ZNF385D: variants seen among roughly 807,000 people sequenced by gnomAD.
The protein encoded by ZNF385D is zinc finger protein 385D.
In ZNF385D, 15 loss-of-function variants were observed where a neutral mutation model predicts 35.8. The ratio of observed to expected loss-of-function variants is 0.42; its 90% CI spans 0.28 to 0.64. The LOEUF is 0.64. ZNF385D is among the 30% of genes least tolerant of loss of function. The pLI, the probability that ZNF385D is intolerant of heterozygous loss-of-function variation, is 0.23. For synonymous variants in ZNF385D, 212 were observed against 186.8 expected (o/e 1.13, Z -1.10); for missense variants, 474 against 494.6 (o/e 0.96, Z 0.39).
chr3:21,510,212 C>T (rs1412419935), intron 4 of ZNF385D, among the ~76,000 whole-genome samples: 1 of 152,136 alleles, frequency 6.6e-6, no homozygotes, highest in Non-Finnish European at 1.5e-5. Context: ...TCACTAGCTT[C>T]CCCTATTATG....
chr3:22,342,052 G>A (rs932459519), intron 2 of ZNF385D, among the ~76,000 whole-genome samples: 14 of 152,138 alleles, frequency 9.2e-5, no homozygotes, highest in African/African-American at 3.1e-4. Flanking sequence ...AAGGCAGGCA[G>A]ATCACGAGGT....
chr3:21,985,903 T>G (rs1454918236), intron 3 of ZNF385D, among the ~76,000 whole-genome samples: 1 of 130,782 alleles, frequency 7.6e-6, no homozygotes, highest in Non-Finnish European at 1.6e-5. Context: ...TGGGAGAGTG[T>G]ATGTGTCGAG....
chr3:21,596,146 C>T (rs1422933021), intron 2 of ZNF385D, among the ~76,000 whole-genome samples: 3 of 152,076 alleles, frequency 2.0e-5, no homozygotes, highest in Non-Finnish European at 4.4e-5. Context: ...AAAGATGATA[C>T]AGGAAAGAAA....
intron 3 of ZNF385D, among the ~76,000 whole-genome samples, chr3:22,082,191 T>C (rs1466051072): frequency 6.6e-6 from 1 of 152,022 alleles, no homozygotes; most frequent in African/African-American, 2.4e-5. Flanking sequence ...TTTATCTCAC[T>C]GGGACAGGTT....
chr3:21,654,806 C>G (rs964481291), intron 2 of ZNF385D, among the ~76,000 whole-genome samples: 1 of 152,052 alleles, frequency 6.6e-6, no homozygotes, highest in African/African-American at 2.4e-5. Context: ...TTCCATTAAA[C>G]AGTTCTCAGA....
chr3:22,277,520 T>C (rs1341402118), intron 2 of ZNF385D, among the ~76,000 whole-genome samples: 1 of 152,100 alleles, frequency 6.6e-6, no homozygotes, highest in Non-Finnish European at 1.5e-5. Context: ...CACATGCTGA[T>C]TAATGAATCA....
At chr3:22,089,702 T>G (rs1156439764) in intron 3 of ZNF385D, among the ~76,000 whole-genome samples, 1 of 152,206 alleles carries the variant, frequency 6.6e-6, no homozygotes, top group African/African-American at 2.4e-5. Context: ...CCTTGAACAT[T>G]ATTCTTTGAG....
intron 3 of ZNF385D, among the ~76,000 whole-genome samples, chr3:21,761,023 G>A (rs1373097228): frequency 6.6e-6 from 1 of 152,068 alleles, no homozygotes; most frequent in Non-Finnish European, 1.5e-5. Flanking sequence ...TCTCTCTTTT[G>A]TATCATACAC....
intron 3 of ZNF385D, among the ~76,000 whole-genome samples, chr3:22,089,129 A>G (rs1701191708): frequency 6.6e-6 from 1 of 152,186 alleles, no homozygotes; most frequent in Admixed American, 6.5e-5. Context: ...AATTGGCTAG[A>G]TCCCTATATT....
chr3:21,657,153 T>C (rs1010899729), intron 2 of ZNF385D, among the ~76,000 whole-genome samples: 2 of 151,942 alleles, frequency 1.3e-5, no homozygotes, highest in Admixed American at 6.6e-5. Context: ...TTTGGAAGGA[T>C]AGATACAAAA....
intron 3 of ZNF385D, among the ~76,000 whole-genome samples, chr3:22,077,552 G>C (rs934665690): frequency 4.6e-5 from 7 of 151,846 alleles, no homozygotes; most frequent in Non-Finnish European, 8.8e-5. Flanking sequence ...GCCCACTAAG[G>C]GTGAGGTTCT....
chr3:22,273,908 T>C (rs1701299905), intron 2 of ZNF385D, among the ~76,000 whole-genome samples: 2 of 152,054 alleles, frequency 1.3e-5, no homozygotes, highest in African/African-American at 4.8e-5. Flanking sequence ...GTTTTCCATA[T>C]GTTTTTCCTA....
At chr3:21,772,629 C>T (rs945530872) in intron 3 of ZNF385D, among the ~76,000 whole-genome samples, 2 of 151,810 alleles carry the variant, frequency 1.3e-5, no homozygotes, top group Non-Finnish European at 2.9e-5. Flanking sequence ...ACAGTATAGT[C>T]ATTGTGGAAA....
intron 3 of ZNF385D, among the ~76,000 whole-genome samples, chr3:21,951,793 T>G (rs1342306802): frequency 6.6e-6 from 1 of 151,674 alleles, no homozygotes; most frequent in Non-Finnish European, 1.5e-5. Flanking sequence ...TCTAAATTAT[T>G]GGCTTAAAGG....
At chr3:22,359,963 G>C (rs796414006) in intron 2 of ZNF385D, among the ~76,000 whole-genome samples, 2 of 151,956 alleles carry the variant, frequency 1.3e-5, no homozygotes, top group African/African-American at 2.4e-5. Context: ...GTTCTTAAAC[G>C]TATGTATGGA....
At chr3:22,074,869 A>G (rs1700390510) in intron 3 of ZNF385D, among the ~76,000 whole-genome samples, 1 of 151,802 alleles carries the variant, frequency 6.6e-6, no homozygotes, top group South Asian at 2.1e-4. Flanking sequence ...CTTCATGTGG[A>G]CTTTCTTCAT....
intron 2 of ZNF385D, among the ~76,000 whole-genome samples, chr3:21,567,528 C>T (rs2063192073): frequency 6.6e-6 from 1 of 152,128 alleles, no homozygotes; most frequent in Non-Finnish European, 1.5e-5. Context: ...AAAACAACCA[C>T]AGAGAACACT....
intron 2 of ZNF385D, among the ~76,000 whole-genome samples, chr3:22,194,304 G>A (rs1004183665): frequency 8.6e-5 from 13 of 151,450 alleles, no homozygotes; most frequent in Admixed American, 2.6e-4. Flanking sequence ...ACAGATAAAC[G>A]CAAACTATAT....
intron 3 of ZNF385D, among the ~76,000 whole-genome samples, chr3:22,079,869 T>G (rs1700658615): frequency 6.6e-6 from 1 of 152,082 alleles, no homozygotes; most frequent in Admixed American, 6.6e-5. Context: ...TATGTTTTAA[T>G]TTAGGTCCTT....
Sources: allele counts gnomAD v4.1 joint callset (sites outside exome capture counted in the v4.1 genomes callset), GRCh38; gene constraint gnomAD v4.1.1; transcripts MANE v1.5; gene names NCBI Gene and HGNC (gene_info 2026-07-23, HGNC 2026-07-21).